The following RILPL1 variants were observed in gnomAD, a reference collection of about 807,000 sequenced individuals.
RILPL1 encodes Rab interacting lysosomal protein like 1.
In RILPL1, 33 loss-of-function variants were observed where a neutral mutation model predicts 50.3. The ratio of observed to expected loss-of-function variants is 0.66; its 90% CI spans 0.50 to 0.88. RILPL1 has a LOEUF of 0.88. RILPL1 is among the 40% of genes least tolerant of loss of function. The pLI is 0.00. For synonymous variants in RILPL1, 205 were observed against 228.6 expected (o/e 0.90, Z 0.93); for missense variants, 418 against 542.5 (o/e 0.77, Z 2.28).
rs768045644 is a variant in RILPL1 at position 123,484,274 on chromosome 12, T to TG, written c.975-3dup. 37 of 1,594,206 alleles carry TG rather than the reference T, an allele frequency of 2.3e-5. No individual in the cohort carries two copies. The Admixed American group carries it at 5.8e-4, about 25-fold the overall frequency. On this transcript the variant is annotated splice_region_variant and splice_polypyrimidine_tract_variant and intron_variant, in intron 5 of 6. Coordinates refer to ENST00000376874, the MANE Select transcript of RILPL1 (RefSeq NM_178314.5). ...CGGTTTTCCTCTTCCATTTCTTCAC[T>TG]GGAAGGAGATGAGAGGCGTGAGATA...
At chr12:123,521,161 C>T (rs61953538) in intron 2 of RILPL1, among the ~76,000 whole-genome samples, 21,876 of 152,070 alleles carry the variant, frequency 0.14, 1,622 homozygotes, top group Middle Eastern at 0.18. Flanking sequence ...GTGTTTTCTA[C>T]GAACCAGGTA....
intron 2 of RILPL1, among the ~76,000 whole-genome samples, chr12:123,510,856 G>T (rs1313692149): frequency 7.2e-6 from 1 of 139,058 alleles, no homozygotes; most frequent in Non-Finnish European, 1.6e-5. Flanking sequence ...TGTGTGTGTG[G>T]TGTGTGAGGT....
chr12:123,508,343 A>G (rs1276546074), intron 2 of RILPL1, among the ~76,000 whole-genome samples: 1 of 152,100 alleles, frequency 6.6e-6, no homozygotes, highest in African/African-American at 2.4e-5. Flanking sequence ...GCAGTGAGCT[A>G]TGATTGTGCC....
chr12:123,533,347 C>T lies in RILPL1; in HGVS notation c.136G>A (p.Gly46Ser). 6.3e-7 allele frequency: 1 copy of T among 1,579,968 alleles called. No individual in the cohort carries two copies. The highest frequency in any genetic ancestry group is 8.6e-7 in the Non-Finnish European group (1 of 1,165,370). ...HEFERVIDQHGCEAIARLMPK... is the reference protein window; with the variant it reads ...HEFERVIDQHSCEAIARLMPK... ...ATGAGGCGCGCGATGGCCTCGCAGC[C>T]GTGCTGGTCAATGACCCGCTCGAAC... The change falls in exon 1 of 7, where the codon GGC becomes AGC. Residue 46 changes from glycine to serine, a missense_variant. Transcript: ENST00000376874. This position sits in a 1 kb window ranked among gnomAD's most constrained non-coding sequence, Gnocchi z 6.2.
intron 2 of RILPL1, among the ~76,000 whole-genome samples, chr12:123,506,392 A>G (rs1232318856): frequency 4.6e-5 from 7 of 152,210 alleles, no homozygotes; most frequent in South Asian, 2.1e-4. Flanking sequence ...TGCAGGGACA[A>G]CAGGAGCCTC....
chr12:123,505,956 A>G (rs1262693388), intron 2 of RILPL1, among the ~76,000 whole-genome samples: 1 of 152,202 alleles, frequency 6.6e-6, no homozygotes, highest in Admixed American at 6.5e-5. Context: ...TTCTGTGTAC[A>G]TGACACCGAA....
At chr12:123,516,658 C>T (rs911786514) in intron 2 of RILPL1, among the ~76,000 whole-genome samples, 33 of 152,122 alleles carry the variant, frequency 2.2e-4, no homozygotes, top group African/African-American at 7.5e-4. Flanking sequence ...CCTTGGAATG[C>T]GGCCTTATTT....
At chr12:123,475,967 A>G (rs1881566731) in intron 6 of RILPL1, 1 of 466,650 alleles carries the variant, frequency 2.1e-6, no homozygotes, top group Non-Finnish European at 3.9e-6. Flanking sequence ...GCGGTGGCGC[A>G]ATCTCAGCTT....
chr12:123,508,914 G>A (rs773996289), intron 2 of RILPL1, among the ~76,000 whole-genome samples: 2 of 151,806 alleles, frequency 1.3e-5, no homozygotes. Flanking sequence ...GGCTGGGCGC[G>A]GTGACTCACA....
chr12:123,475,926 CAG>C (rs1237028157), intron 6 of RILPL1: 6 of 494,154 alleles, frequency 1.2e-5, no homozygotes, highest in Non-Finnish European at 2.1e-5. Flanking sequence ...TTTTTTGAGA[CAG>C]AGTCTCACTG....
At chr12:123,516,549 G>T (rs907620596) in intron 2 of RILPL1, among the ~76,000 whole-genome samples, 7 of 152,234 alleles carry the variant, frequency 4.6e-5, no homozygotes, top group Non-Finnish European at 8.8e-5. Flanking sequence ...TAAGTCAGTT[G>T]CGTGGGAATC....
intron 4 of RILPL1, among the ~76,000 whole-genome samples, chr12:123,496,994 C>A (rs1883071890): frequency 6.6e-6 from 1 of 152,232 alleles, no homozygotes; most frequent in South Asian, 2.1e-4. Context: ...TACTTTCTGG[C>A]TCTATGGATT....
rs1407354104 is a variant in RILPL1 at position 123,485,315 on chromosome 12, T to C, written c.974+318A>G. 1 of 467,884 alleles carries C rather than the reference T, an allele frequency of 2.1e-6. No homozygotes were observed. The highest frequency in any genetic ancestry group is 4.2e-6 in the Non-Finnish European group (1 of 238,416). The allele number at this position is 467,884 out of a possible 1,614,324, so 29.0% of individuals were successfully genotyped here. A position where few individuals can be genotyped will look rare whatever the true frequency, so the allele number is the denominator to read the frequency against. ...TAACACCGGGGCCGGGTTTCATTCA[T>C]TCATTCATTTAAAAAAAGAGATGAG... is the stretch of plus-strand genomic sequence containing the variant. On this transcript the variant is annotated intron_variant, in intron 5 of 6. Coordinates refer to ENST00000376874, the MANE Select transcript of RILPL1 (RefSeq NM_178314.5). The surrounding 1 kb of genome is among the most constrained non-coding windows in gnomAD (Gnocchi z 4.0).
intron 6 of RILPL1, among the ~76,000 whole-genome samples, chr12:123,477,912 C>G (rs78774994): frequency 0.023 from 3,444 of 150,066 alleles, 70 homozygotes; most frequent in Admixed American, 0.061. Flanking sequence ...CATTTAGGGC[C>G]TTTTCAGGGG....
intron 2 of RILPL1, among the ~76,000 whole-genome samples, chr12:123,512,743 TTGTGTGTGTGTGTGGTATGTGTGAGGTC>T (rs1420993458): frequency 3.5e-5 from 4 of 113,550 alleles, no homozygotes; most frequent in South Asian, 3.1e-4. Flanking sequence ...TGTGTGAAGT[TTGTGTGTGTGTGTGGTATGTGTGAGGTC>T]TGTGTGTGGT....
intron 2 of RILPL1, among the ~76,000 whole-genome samples, chr12:123,520,537 C>T (rs1488052675): frequency 2.6e-5 from 4 of 152,098 alleles, no homozygotes; most frequent in Non-Finnish European, 4.4e-5. Flanking sequence ...ACAGCCTGGT[C>T]GACGGAGTGA....
At position 123,485,121 on chromosome 12, in the gene RILPL1, C is replaced by T; in HGVS notation, c.974+512G>A. On this transcript the variant is annotated intron_variant, in intron 5 of 6. Transcript: ENST00000376874. This position sits in a 1 kb window ranked among gnomAD's most constrained non-coding sequence, Gnocchi z 4.0. ...TTCTATTCAACAGATATTTGTTGTG[C>T]ACCTACTGTGTGCCAAGCTCCATTC... The T allele has an allele frequency of 6.6e-6, 3 of 456,102 alleles. No individual in the cohort carries two copies. The highest frequency in any genetic ancestry group is 3.1e-5 in the South Asian group (2 of 64,562). 28.3% of individuals were successfully genotyped at this position (456,102 alleles called of 1,614,324 possible).
At chr12:123,501,770 AAAAAG>A (rs1249791289) in intron 2 of RILPL1, among the ~76,000 whole-genome samples, 2 of 151,240 alleles carry the variant, frequency 1.3e-5, no homozygotes, top group African/African-American at 2.4e-5. Flanking sequence ...AAAAAAAAAA[AAAAAG>A]AAAGAAAAGA....
intron 6 of RILPL1, among the ~76,000 whole-genome samples, chr12:123,480,847 C>T (rs1881933052): frequency 1.3e-5 from 2 of 152,144 alleles, no homozygotes; most frequent in Admixed American, 1.3e-4. Flanking sequence ...GCTTGGGGAC[C>T]CATCCCTTCC....
Sources: allele counts gnomAD v4.1 joint callset (sites outside exome capture counted in the v4.1 genomes callset), GRCh38; gene constraint gnomAD v4.1.1; non-coding constraint Gnocchi (gnomAD v3.1); transcripts MANE v1.5; gene names NCBI Gene and HGNC (gene_info 2026-07-23, HGNC 2026-07-21).